NPFFR1: variants seen among roughly 807,000 people sequenced by gnomAD.
NPFFR1 encodes G-protein coupled receptor 147.
In NPFFR1, 17 loss-of-function variants were observed where a neutral mutation model predicts 12.7. The ratio of observed to expected loss-of-function variants is 1.34; its 90% confidence interval spans 0.92 to 2.01. The LOEUF (loss-of-function observed/expected upper bound fraction) is 2.01, where lower values mean the gene tolerates loss of function less well. Among genes scored for constraint, NPFFR1 ranks in the 30% most tolerant of loss-of-function variants. The pLI, the probability that NPFFR1 is intolerant of heterozygous loss-of-function variation, is 0.00. For missense variants in NPFFR1, 604 were observed against 606.5 expected (o/e 1.00, Z 0.04); for synonymous variants, 296 against 264.5 (o/e 1.12, Z -1.16).
chr10:70,265,246 C>G (rs765360068), intron 2 of NPFFR1, among the ~76,000 whole-genome samples: 2 of 152,172 alleles, frequency 1.3e-5, no homozygotes, highest in Non-Finnish European at 2.9e-5. Context: ...ATCCTGAGGA[C>G]CAGTGAGCTG....
chr10:70,266,633 C>A (rs1000145994), intron 1 of NPFFR1, among the ~76,000 whole-genome samples: 3 of 152,180 alleles, frequency 2.0e-5, no homozygotes, highest in Non-Finnish European at 2.9e-5. Context: ...GTTGGTTTTT[C>A]TTTATTAACT....
rs745702498 is a variant in NPFFR1 at position 70,266,270 on chromosome 10, C to T, written c.129G>A (p.Ala43=). 1.6e-5 allele frequency: 26 copies of T among 1,613,888 alleles called. No individual in the cohort carries two copies. In the East Asian group the frequency reaches 2.7e-4, roughly 17 times the overall value. The change falls in exon 2 of 4, where the codon GCG becomes GCA. Residue 43 remains alanine (A), a synonymous_variant. Coordinates refer to ENST00000277942, the MANE Select transcript of NPFFR1 (RefSeq NM_022146.5). The stretch of plus-strand genomic sequence containing the variant: ...GCGCATAGGCCACAATGAACATGGC[C>T]GCCACAGGGGAGGTGTGCTGATAGT... ...SSYYQHTSPV[A]AMFIVAYALI...
chr10:70,283,587 C>G (rs1180266316), intron 1 of NPFFR1, 83 bp downstream of exon 1: 38 of 1,332,152 alleles, frequency 2.9e-5, no homozygotes, highest in Non-Finnish European at 3.7e-5. Flanking sequence ...GATCAGCTGC[C>G]CGGCCCTCTC....
At position 70,254,319 on chromosome 10, in the gene NPFFR1, G is replaced by C. The variant is rs1364530513; in HGVS notation, c.*638C>G. 1.3e-5 allele frequency: 2 copies of C among 152,186 alleles called. No individual in the cohort carries two copies. The highest frequency in any genetic ancestry group is 3.8e-4 in the East Asian group (2 of 5,198). 9.4% of individuals were successfully genotyped at this position (152,186 alleles called of 1,614,324 possible). A position where few individuals can be genotyped will look rare whatever the true frequency, so the allele number is the denominator to read the frequency against. The stretch of plus-strand genomic sequence containing the variant: ...GTCCTCTGAGGACAATGGCTTCTTG[G>C]AACTTCTTGGAACAAACAAGACAAA... On this transcript the variant is annotated 3_prime_UTR_variant, in exon 4 of 4. Coordinates refer to ENST00000277942, the MANE Select transcript of NPFFR1 (RefSeq NM_022146.5).
chr10:70,251,617 G>A lies in NPFFR1; in HGVS notation c.*3340C>T, dbSNP rs1840512655. The A allele has an allele frequency of 8.2e-6, 1 of 122,650 alleles. No individual in the cohort carries two copies. The highest frequency in any genetic ancestry group is 1.9e-5 in the Non-Finnish European group (1 of 53,510). The allele number at this position is 122,650 out of a possible 1,614,324, so 7.6% of individuals were successfully genotyped here. On this transcript the variant is annotated 3_prime_UTR_variant, in exon 4 of 4. Transcript: ENST00000277942. ...GATGCTCAGTGTCAACAGGCCTCTG[G>A]CCCTTTTCCCCCATCACGCATGCCG... is the stretch of plus-strand genomic sequence containing the variant.
At chr10:70,262,004 A>G (rs1375280486) in intron 2 of NPFFR1, among the ~76,000 whole-genome samples, 1 of 152,242 alleles carries the variant, frequency 6.6e-6, no homozygotes, top group Non-Finnish European at 1.5e-5. Context: ...GATTAAGAAA[A>G]TATATGGTTA....
At chr10:70,265,852 G>A (rs4746985) in intron 2 of NPFFR1, among the ~76,000 whole-genome samples, 151,601 of 152,350 alleles carry the variant, frequency 1, 75,431 homozygotes, top group East Asian at 1. Context: ...TAATGCATGA[G>A]AAGTAACATC....
rs1840688757 is a variant in NPFFR1, at chr10:70,266,259, A to G, written c.140T>C (p.Ile47Thr). 4.3e-6 allele frequency: 7 copies of G among 1,613,880 alleles called. No individual in the cohort carries two copies. Among genetic ancestry groups the G allele is most frequent in the Non-Finnish European group, 5.9e-6 (7 of 1,179,876 alleles). ...QHTSPVAAMF[I>T]VAYALIFLLC... ...CAGGAAGATGAGCGCATAGGCCACA[A>G]TGAACATGGCCGCCACAGGGGAGGT... Residue 47 changes from isoleucine to threonine, a missense_variant, in exon 2 of 4, where the codon ATT (isoleucine) becomes ACT (threonine). Physicochemically the swap from Ile to Thr is moderately conservative, Grantham distance 89. Coordinates refer to ENST00000277942, the MANE Select transcript of NPFFR1 (RefSeq NM_022146.5).
chr10:70,274,002 C>T (rs1042644790), intron 1 of NPFFR1, among the ~76,000 whole-genome samples: 5 of 152,246 alleles, frequency 3.3e-5, no homozygotes, highest in African/African-American at 9.6e-5. Flanking sequence ...TTGTGCCCAC[C>T]TCCCTCCCCA....
chr10:70,275,748 C>G (rs574684715), intron 1 of NPFFR1, among the ~76,000 whole-genome samples: 30 of 152,312 alleles, frequency 2.0e-4, no homozygotes, highest in African/African-American at 7.2e-4. Flanking sequence ...CTCCTAGACA[C>G]ACTGCTTTAG....
chr10:70,255,507 C>A lies in NPFFR1; in HGVS notation c.743G>T (p.Gly248Val). ...AGCCTCCTCGCCCCCGGGGGCCGGG[C>A]CCGGGGCCTGGCAGAGCTTGCGCGC... ...RIARKLCQAP[G>V]PAPGGEEAAD... Residue 248 changes from glycine to valine, a missense_variant, in exon 4 of 4, where the codon GGC (glycine) becomes GTC (valine). Transcript: ENST00000277942. This position sits in a 1 kb window ranked among gnomAD's most constrained non-coding sequence, Gnocchi z 4.2. 6.5e-7 allele frequency: 1 copy of A among 1,547,900 alleles called. No homozygotes were observed. Among genetic ancestry groups the A allele is most frequent in the Non-Finnish European group, 8.7e-7 (1 of 1,145,454 alleles).
chr10:70,270,367 T>C (rs1326766923), intron 1 of NPFFR1, among the ~76,000 whole-genome samples: 4 of 152,146 alleles, frequency 2.6e-5, no homozygotes, highest in Non-Finnish European at 5.9e-5. Flanking sequence ...GAGACTTGCT[T>C]ACCCCTGCCG....
chr10:70,257,144 C>T (rs947986132), intron 3 of NPFFR1, among the ~76,000 whole-genome samples: 11 of 152,122 alleles, frequency 7.2e-5, no homozygotes, highest in Non-Finnish European at 1.5e-4. Context: ...GCCTATTCTT[C>T]CAGCTACACA....
intron 2 of NPFFR1, among the ~76,000 whole-genome samples, chr10:70,261,031 C>T (rs1285534108): frequency 6.6e-6 from 1 of 152,058 alleles, no homozygotes; most frequent in Admixed American, 6.5e-5. Context: ...CTTGCAGAAC[C>T]TGTGTATAGA....
rs1398382589 is a variant in NPFFR1, at chr10:70,249,324, A to T, written c.*5633T>A. 1 of 151,508 alleles carries T rather than the reference A, an allele frequency of 6.6e-6. No homozygotes were observed. The highest frequency in any genetic ancestry group is 2.0e-4 in the East Asian group (1 of 5,126). The allele number at this position is 151,508 out of a possible 1,614,324, so 9.4% of individuals were successfully genotyped here. ...TGAGGCAGGAGAATCGCTTGAACCTAGGAGGCAAAGGTTGCAGTGAGCCAA... is the reference window on the plus strand; with the variant it reads ...TGAGGCAGGAGAATCGCTTGAACCTTGGAGGCAAAGGTTGCAGTGAGCCAA... On this transcript the variant is annotated 3_prime_UTR_variant, in exon 4 of 4. Transcript: ENST00000277942.
intron 1 of NPFFR1, among the ~76,000 whole-genome samples, chr10:70,278,241 C>G (rs1209061144): frequency 6.6e-6 from 1 of 152,012 alleles, no homozygotes; most frequent in African/African-American, 2.4e-5. Context: ...CCCAGGGTAT[C>G]CAGCAAGAGG....
intron 3 of NPFFR1, among the ~76,000 whole-genome samples, chr10:70,256,375 C>T (rs1241032461): frequency 6.6e-6 from 1 of 152,218 alleles, no homozygotes; most frequent in Admixed American, 6.5e-5. Flanking sequence ...AGCCTCCTTG[C>T]GGGGCCATTT....
rs534595563 is a variant in NPFFR1, at chr10:70,283,101, C to T, written c.7+569G>A. 5.4e-5 allele frequency among the ~76,000 whole-genome samples: 8 copies of T among 149,074 alleles called. No individual in the cohort carries two copies. The South Asian group carries it at 1.7e-3, about 32-fold the overall frequency. ...CTGCTCAGACAGCAGGGATTGTGTG[C>T]GTGCACACACACAACAGGGACTCTC... On this transcript the variant is annotated intron_variant, in intron 1 of 3. Transcript: ENST00000277942.
intron 1 of NPFFR1, among the ~76,000 whole-genome samples, chr10:70,268,876 C>T (rs922038451): frequency 6.6e-6 from 1 of 152,216 alleles, no homozygotes; most frequent in African/African-American, 2.4e-5. Context: ...AGCAATATAG[C>T]ATTGCAGAAG....
Sources: allele counts gnomAD v4.1 joint callset (sites outside exome capture counted in the v4.1 genomes callset), GRCh38; gene constraint gnomAD v4.1.1; non-coding constraint Gnocchi (gnomAD v3.1); transcripts MANE v1.5; gene names NCBI Gene and HGNC (gene_info 2026-07-23, HGNC 2026-07-21).